The following MIR2052HG variants were observed in gnomAD, a reference collection of about 807,000 sequenced individuals.
MIR2052HG encodes MIR2052 host gene.
At chr8:74,738,133 G>GTATGTATGTATCTATC (rs1554578693) in intron 4 of MIR2052HG, among the ~76,000 whole-genome samples, 90 of 149,628 alleles carry the variant, frequency 6.0e-4, no homozygotes, top group Middle Eastern at 3.4e-3. Flanking sequence ...ATGTATGTAT[G>GTATGTATGTATCTATC]TATCTATCTA....
chr8:74,663,846 T>A (rs2128737267), intron 2 of MIR2052HG, among the ~76,000 whole-genome samples: 1 of 152,336 alleles, frequency 6.6e-6, no homozygotes, highest in Middle Eastern at 3.4e-3. Flanking sequence ...TTACTTCTCT[T>A]AGAGCCAGGG....
chr8:74,676,090 A>G (rs893553122), intron 2 of MIR2052HG, among the ~76,000 whole-genome samples: 1 of 152,040 alleles, frequency 6.6e-6, no homozygotes, highest in Non-Finnish European at 1.5e-5. Context: ...AGAAAAATCA[A>G]TTACAAATTA....
At chr8:74,656,296 A>T (rs1478012709) in intron 2 of MIR2052HG, among the ~76,000 whole-genome samples, 1 of 151,992 alleles carries the variant, frequency 6.6e-6, no homozygotes, top group Non-Finnish European at 1.5e-5. Context: ...AGGGCATGAG[A>T]TTTGGAGGGG....
chr8:74,704,157 G>A (rs181709839), intron 4 of MIR2052HG, among the ~76,000 whole-genome samples: 34 of 151,916 alleles, frequency 2.2e-4, no homozygotes, highest in South Asian at 4.1e-4. Flanking sequence ...ATTTCTTTTC[G>A]TGGGTATCTG....
chr8:74,693,745 C>T (rs1001192503), intron 2 of MIR2052HG, among the ~76,000 whole-genome samples: 1 of 151,924 alleles, frequency 6.6e-6, no homozygotes, highest in Non-Finnish European at 1.5e-5. Flanking sequence ...TCATAATCCC[C>T]CTGAAAACAT....
chr8:74,676,878 C>G (rs1310491279), intron 2 of MIR2052HG, among the ~76,000 whole-genome samples: 9 of 151,810 alleles, frequency 5.9e-5, no homozygotes, highest in Non-Finnish European at 1.2e-4. Flanking sequence ...AATCATTTCA[C>G]AATGTACAGG....
chr8:74,702,304 A>G (rs1424595310), intron 2 of MIR2052HG: 2 of 338,086 alleles, frequency 5.9e-6, no homozygotes, highest in African/African-American at 4.3e-5. Flanking sequence ...ATGCATAGTT[A>G]TATTGGATGA....
chr8:74,742,418 G>T (rs1409145076), intron 4 of MIR2052HG, among the ~76,000 whole-genome samples: 1 of 152,060 alleles, frequency 6.6e-6, no homozygotes, highest in East Asian at 1.9e-4. Context: ...AATTAAACAG[G>T]TTATCTACTT....
chr8:74,683,850 T>A (rs1809151393), intron 2 of MIR2052HG, among the ~76,000 whole-genome samples: 1 of 152,028 alleles, frequency 6.6e-6, no homozygotes, highest in Non-Finnish European at 1.5e-5. Flanking sequence ...AGATCTTAGG[T>A]GGCCCTTGTT....
intron 2 of MIR2052HG, among the ~76,000 whole-genome samples, chr8:74,683,338 C>T (rs1809145379): frequency 1.3e-5 from 2 of 151,418 alleles, no homozygotes; most frequent in South Asian, 4.1e-4. Flanking sequence ...TTAAGTCACT[C>T]TGTATCCCTG....
chr8:74,711,876 G>C (rs1018049972), intron 4 of MIR2052HG, among the ~76,000 whole-genome samples: 5 of 152,136 alleles, frequency 3.3e-5, no homozygotes, highest in African/African-American at 1.2e-4. Flanking sequence ...GATGGAAATA[G>C]ACTGAACTCC....
Position 74,603,307 on chromosome 8 carries a change from C to T in MIR2052HG, n.128+3399C>T, listed in dbSNP as rs1808052542. The T allele has an allele frequency of 2.3e-5, 37 of 1,596,454 alleles. No individual in the cohort carries two copies. The South Asian group carries it at 4.1e-4, about 18-fold the overall frequency. On this transcript the variant is annotated intron_variant and non_coding_transcript_variant, in intron 1 of 6. Coordinates refer to ENST00000523442, the Ensembl canonical transcript of MIR2052HG. ...ATTGTTCTAGCTGCTCCCCATGCCA[C>T]CCGTCTCCGAGGAAAGCCTGACATT... is the stretch of plus-strand genomic sequence containing the variant.
intron 4 of MIR2052HG, among the ~76,000 whole-genome samples, chr8:74,706,191 TTGCAGAACAG>T (rs1809408674): frequency 6.6e-6 from 1 of 152,078 alleles, no homozygotes. Flanking sequence ...AAATATGAAA[TTGCAGAACAG>T]TGTGGGTGGG....
chr8:74,627,985 C>A (rs897290510), intron 2 of MIR2052HG, among the ~76,000 whole-genome samples: 2 of 152,130 alleles, frequency 1.3e-5, no homozygotes, highest in South Asian at 4.1e-4. Flanking sequence ...TTGAACATGG[C>A]ATAAGGATTG....
chr8:74,660,843 G>A (rs998110839), intron 2 of MIR2052HG, among the ~76,000 whole-genome samples: 10 of 145,662 alleles, frequency 6.9e-5, no homozygotes, highest in Non-Finnish European at 1.2e-4. Flanking sequence ...TTTCATACAC[G>A]CTGATCTTAT....
At chr8:74,621,762 A>T (rs956667913) in intron 2 of MIR2052HG, among the ~76,000 whole-genome samples, 3 of 152,226 alleles carry the variant, frequency 2.0e-5, no homozygotes, top group Non-Finnish European at 2.9e-5. Context: ...TGGAGAGCTC[A>T]GATTTTTAAC....
At chr8:74,639,492 A>T (rs1307648225) in intron 2 of MIR2052HG, among the ~76,000 whole-genome samples, 1 of 152,184 alleles carries the variant, frequency 6.6e-6, no homozygotes, top group East Asian at 1.9e-4. Flanking sequence ...AATTATGAGG[A>T]TCGCACAACT....
intron 4 of MIR2052HG, among the ~76,000 whole-genome samples, chr8:74,746,527 G>T (rs1809887056): frequency 1.3e-5 from 2 of 151,560 alleles, no homozygotes; most frequent in Non-Finnish European, 2.9e-5. Flanking sequence ...CCATGGGAAT[G>T]CAGGCTGAAA....
chr8:74,602,560 G>A (rs1458500429), intron 1 of MIR2052HG, among the ~76,000 whole-genome samples: 1 of 149,710 alleles, frequency 6.7e-6, no homozygotes, highest in African/African-American at 2.5e-5. Context: ...TGCCCAGGCT[G>A]GAGTGCAGTG....
Sources: allele counts gnomAD v4.1 joint callset (sites outside exome capture counted in the v4.1 genomes callset), GRCh38; gene constraint gnomAD v4.1.1; transcripts MANE v1.5; gene names NCBI Gene and HGNC (gene_info 2026-07-23, HGNC 2026-07-21).